The following GRID2 variants were observed in gnomAD, a reference collection of about 807,000 sequenced individuals.
GRID2 encodes the protein glutamate receptor ionotropic, delta-2.
A neutral mutation model predicts 114.8 loss-of-function variants in GRID2; 33 were observed. The observed-to-expected ratio is 0.29, with a 90% CI of 0.22 to 0.38. The LOEUF (loss-of-function observed/expected upper bound fraction) is 0.38, where lower values mean the gene tolerates loss of function less well. GRID2 is among the 10% of genes least tolerant of loss of function. The probability of loss-of-function intolerance (pLI) is 1.00; values close to 1 mark genes in which losing one functional copy is unlikely to be tolerated. For missense variants in GRID2, 1,184 were observed against 1,257.7 expected, an observed-to-expected ratio of 0.94 and a Z score of 0.89; for synonymous variants, 505 against 449.9, an observed-to-expected ratio of 1.12 and a Z score of -1.55.
intron 1 of GRID2, among the ~76,000 whole-genome samples, chr4:92,498,724 C>T (rs1723519714): frequency 6.6e-6 from 1 of 151,784 alleles, no homozygotes; most frequent in South Asian, 2.1e-4. Context: ...TATAAATTTA[C>T]AGGGAAGCAT....
At chr4:93,222,253 A>T (rs1744966800) in intron 6 of GRID2, among the ~76,000 whole-genome samples, 1 of 152,060 alleles carries the variant, frequency 6.6e-6, no homozygotes, top group Non-Finnish European at 1.5e-5. Context: ...GTATTCTGAT[A>T]TGTTTCAAAG....
intron 8 of GRID2, among the ~76,000 whole-genome samples, chr4:93,354,836 T>A (rs2149265992): frequency 6.8e-6 from 1 of 146,670 alleles, no homozygotes; most frequent in African/African-American, 2.5e-5. Context: ...ATATATAATA[T>A]ATATAAAATG....
chr4:92,642,311 T>G (rs781369604), intron 2 of GRID2, among the ~76,000 whole-genome samples: 1 of 151,762 alleles, frequency 6.6e-6, no homozygotes. Flanking sequence ...ACATCTGTTA[T>G]AGTTTACTTA....
At chr4:93,178,380 ATTTTTTTTTTTTTTTTTT>A (rs11428288) in intron 4 of GRID2, among the ~76,000 whole-genome samples, 4 of 50,310 alleles carry the variant, frequency 8.0e-5, no homozygotes, top group Non-Finnish European at 1.4e-4. Flanking sequence ...TTGAAAATAG[ATTTTTTTTTTTTTTTTTT>A]TTTTTTTTTT....
intron 1 of GRID2, among the ~76,000 whole-genome samples, chr4:92,536,344 T>G (rs1385038179): frequency 6.6e-6 from 1 of 152,148 alleles, no homozygotes; most frequent in Non-Finnish European, 1.5e-5. Flanking sequence ...TGCTGATTGG[T>G]GCATTTACAG....
chr4:93,705,361 C>T (rs957308769), intron 14 of GRID2, among the ~76,000 whole-genome samples: 10 of 150,360 alleles, frequency 6.7e-5, no homozygotes, highest in Non-Finnish European at 7.4e-5. Context: ...AACAGAGTCT[C>T]GCTGTGTCGC....
At chr4:92,626,366 G>A (rs1387823878) in intron 2 of GRID2, among the ~76,000 whole-genome samples, 1 of 151,922 alleles carries the variant, frequency 6.6e-6, no homozygotes, top group South Asian at 2.1e-4. Flanking sequence ...TGGGCCCATG[G>A]GTGGTTGGGG....
At chr4:93,614,592 G>T (rs1049554226) in intron 13 of GRID2, among the ~76,000 whole-genome samples, 8 of 151,902 alleles carry the variant, frequency 5.3e-5, no homozygotes, top group African/African-American at 1.7e-4. Flanking sequence ...ATTACAAAAT[G>T]CTATATAAAC....
intron 1 of GRID2, among the ~76,000 whole-genome samples, chr4:92,466,610 C>T (rs1403762223): frequency 6.6e-6 from 1 of 151,704 alleles, no homozygotes; most frequent in Non-Finnish European, 1.5e-5. Context: ...TTACTCATTT[C>T]CTTGGTTTCT....
chr4:92,866,598 C>T (rs1421983192), intron 2 of GRID2, among the ~76,000 whole-genome samples: 1 of 151,642 alleles, frequency 6.6e-6, no homozygotes, highest in Non-Finnish European at 1.5e-5. Flanking sequence ...GGCTGGAGTG[C>T]AGTGGCACGA....
chr4:92,474,883 C>T (rs1005138328), intron 1 of GRID2, among the ~76,000 whole-genome samples: 1 of 145,188 alleles, frequency 6.9e-6, no homozygotes, highest in Non-Finnish European at 1.5e-5. Context: ...GGATATTAAC[C>T]TCTTATCAAG....
intron 2 of GRID2, among the ~76,000 whole-genome samples, chr4:92,984,906 A>AT (rs1209637850): frequency 2.0e-5 from 3 of 151,794 alleles, no homozygotes; most frequent in East Asian, 1.9e-4. Context: ...TAGAAATGAT[A>AT]TTTTTTCTCT....
chr4:92,543,162 A>C lies in GRID2; in HGVS notation c.89-46969A>C, dbSNP rs2149164786. On this transcript the variant is annotated intron_variant, in intron 1 of 15. Coordinates refer to ENST00000282020, the MANE Select transcript of GRID2 (RefSeq NM_001510.4). ...GAGGAAAAGAAAGATATATAATATA[A>C]TATTGGTAATACTGCTCCTGCATGC... 1.3e-5 allele frequency among the ~76,000 whole-genome samples: 2 copies of C among 152,228 alleles called. 1 individual carries two copies. Among genetic ancestry groups the C allele is most frequent in the Admixed American group, 1.3e-4 (2 of 15,254 alleles).
rs189782910 is a variant in GRID2, at chr4:92,812,270, C to G, written c.244+221984C>G. On this transcript the variant is annotated intron_variant, in intron 2 of 15. Coordinates refer to ENST00000282020, the MANE Select transcript of GRID2 (RefSeq NM_001510.4). ...TCAGTTTAGACATTTAAAAATAAAT[C>G]ACTCTGATTTAATATTGTAATATAG... Among the ~76,000 whole-genome samples, 11 of 152,106 alleles carry G rather than the reference C, an allele frequency of 7.2e-5. No individual in the cohort carries two copies. In the East Asian group the frequency reaches 1.9e-3, roughly 27 times the overall value.
At chr4:93,225,908 A>C (rs1360913483) in intron 7 of GRID2, among the ~76,000 whole-genome samples, 1 of 152,170 alleles carries the variant, frequency 6.6e-6, no homozygotes, top group Non-Finnish European at 1.5e-5. Context: ...CTCATGGCAG[A>C]AGAGCATCAC....
At chr4:92,563,959 A>C (rs988737206) in intron 1 of GRID2, among the ~76,000 whole-genome samples, 7 of 151,954 alleles carry the variant, frequency 4.6e-5, no homozygotes, top group African/African-American at 1.7e-4. Context: ...TTAATGTCTT[A>C]CTTCTACCTA....
At chr4:92,319,868 C>T (rs1234140831) in intron 1 of GRID2, among the ~76,000 whole-genome samples, 1 of 152,152 alleles carries the variant, frequency 6.6e-6, no homozygotes. Context: ...ATAGCTCCCA[C>T]CTTGGCTGGG....
At chr4:92,739,424 A>G (rs1449702907) in intron 2 of GRID2, among the ~76,000 whole-genome samples, 1 of 152,112 alleles carries the variant, frequency 6.6e-6, no homozygotes, top group Non-Finnish European at 1.5e-5. Context: ...CATATGAGTA[A>G]CATTTTTTTT....
At chr4:93,753,647 T>C (rs1397197918) in intron 14 of GRID2, among the ~76,000 whole-genome samples, 2 of 152,204 alleles carry the variant, frequency 1.3e-5, no homozygotes, top group East Asian at 3.9e-4. Flanking sequence ...TCCAGCTTCA[T>C]CCATGTCCCT....
Sources: gnomAD v4.1 joint callset for allele counts (sites outside exome capture counted in the v4.1 genomes callset) on GRCh38, gnomAD v4.1.1 for gene constraint, MANE v1.5 for transcripts, NCBI Gene and HGNC (gene_info 2026-07-23, HGNC 2026-07-21) for gene names.